BCAT1: variants seen among roughly 807,000 people sequenced by gnomAD.
BCAT1 encodes branched-chain-amino-acid aminotransferase, cytosolic.
A neutral mutation model predicts 52.4 loss-of-function variants in BCAT1; 48 were observed. The observed-to-expected ratio is 0.92, with a 90% CI of 0.73 to 1.16. The LOEUF (loss-of-function observed/expected upper bound fraction) is 1.16. Ranked by LOEUF, BCAT1 falls within the 50% of genes most tolerant of loss-of-function variation. The pLI, the probability that BCAT1 is intolerant of heterozygous loss-of-function variation, is 0.00. For synonymous variants in BCAT1, 167 were observed against 161.3 expected, an observed-to-expected ratio of 1.04 and a Z score of -0.27; for missense variants, 451 against 457.1, an observed-to-expected ratio of 0.99 and a Z score of 0.12.
At chr12:24,830,778 A>G (rs1451669384) in intron 9 of BCAT1, 1 of 152,190 alleles carries the variant, frequency 6.6e-6, no homozygotes, top group Non-Finnish European at 1.5e-5. Context: ...ACCTTGATGC[A>G]TTCTTATCAA....
Position 24,819,850 on chromosome 12 carries a change from G to GT in BCAT1, c.1120-1802dup, listed in dbSNP as rs530090927. ...CACCAGAAAGCATTGCCTACAGACT[G>GT]TAACTGCCCGCTATTGACTCTGTTG... On this transcript the variant is annotated intron_variant, in intron 10 of 10. Coordinates refer to ENST00000261192, the MANE Select transcript of BCAT1 (RefSeq NM_005504.7). 6.7e-4 allele frequency among the ~76,000 whole-genome samples: 102 copies of GT among 152,314 alleles called. No individual in the cohort carries two copies. In the East Asian group the frequency reaches 0.014, roughly 21 times the overall value.
chr12:24,923,259 G>A (rs550313041), intron 1 of BCAT1, among the ~76,000 whole-genome samples: 1 of 152,300 alleles, frequency 6.6e-6, no homozygotes, highest in South Asian at 2.1e-4. Context: ...CACCAGACAA[G>A]GGCCAACTTT....
intron 5 of BCAT1, among the ~76,000 whole-genome samples, chr12:24,865,688 T>C (rs971264337): frequency 2.0e-5 from 3 of 152,228 alleles, no homozygotes; most frequent in South Asian, 2.1e-4. Flanking sequence ...TAAAATCTGG[T>C]TAAATACATC....
chr12:24,824,981 C>G (rs1940323679), intron 10 of BCAT1, among the ~76,000 whole-genome samples: 1 of 152,076 alleles, frequency 6.6e-6, no homozygotes, highest in Non-Finnish European at 1.5e-5. Flanking sequence ...TTTTTAGCAC[C>G]TGCATGAGAA....
At chr12:24,920,463 T>TACCCAAA (rs1943485166) in intron 1 of BCAT1, among the ~76,000 whole-genome samples, 1 of 152,196 alleles carries the variant, frequency 6.6e-6, no homozygotes, top group African/African-American at 2.4e-5. Context: ...TTTTTTATTT[T>TACCCAAA]TGGGGTAGCA....
chr12:24,918,460 A>G (rs1591875256), intron 1 of BCAT1, among the ~76,000 whole-genome samples: 1 of 152,282 alleles, frequency 6.6e-6, no homozygotes, highest in Non-Finnish European at 1.5e-5. Context: ...TATAACTCAA[A>G]GAAAGTGTAA....
chr12:24,867,693 C>T (rs1303588523), intron 5 of BCAT1, among the ~76,000 whole-genome samples: 3 of 152,088 alleles, frequency 2.0e-5, no homozygotes, highest in African/African-American at 7.2e-5. Context: ...TCTAATGAAA[C>T]CCACAATAGG....
chr12:24,906,570 G>T (rs1393674097), intron 1 of BCAT1, among the ~76,000 whole-genome samples: 10 of 152,178 alleles, frequency 6.6e-5, no homozygotes, highest in Admixed American at 6.5e-4. Context: ...GGATAGATGA[G>T]CATTAATATA....
chr12:24,928,105 A>G (rs1223905615), intron 1 of BCAT1, among the ~76,000 whole-genome samples: 1 of 152,344 alleles, frequency 6.6e-6, no homozygotes, highest in East Asian at 1.9e-4. Flanking sequence ...AAATTCTTAA[A>G]ACTCTCTAAA....
At position 24,811,520 on chromosome 12, in the gene BCAT1, T is replaced by C. The variant is rs767814353; in HGVS notation, c.*6488A>G. The C allele has an allele frequency of 6.6e-6, 1 of 152,218 alleles. No homozygotes were observed. Among genetic ancestry groups the C allele is most frequent in the Non-Finnish European group, 1.5e-5 (1 of 68,024 alleles). 9.4% of individuals were successfully genotyped at this position (152,218 alleles called of 1,614,324 possible). ...TAGAGTTCTTCACACCAGATGGCTC[T>C]GGTGTAACAAAGCCATTTTAGATGT... On this transcript the variant is annotated 3_prime_UTR_variant, in exon 11 of 11. Transcript: ENST00000261192.
At chr12:24,932,837 A>G (rs1943695330) in intron 1 of BCAT1, among the ~76,000 whole-genome samples, 1 of 142,530 alleles carries the variant, frequency 7.0e-6, no homozygotes, top group African/African-American at 2.7e-5. Flanking sequence ...TTTGAGATGG[A>G]GTCTCGCTCC....
At chr12:24,873,277 G>A (rs1351702057) in intron 5 of BCAT1, among the ~76,000 whole-genome samples, 1 of 152,166 alleles carries the variant, frequency 6.6e-6, no homozygotes, top group African/African-American at 2.4e-5. Flanking sequence ...TATGTAATCA[G>A]CAGTAGTTTA....
In BCAT1 at chr12:24,924,640, T is replaced by C. The variant is rs561570127; in HGVS notation, c.7-22755A>G. Among the ~76,000 whole-genome samples the C allele has an allele frequency of 1.1e-4, 17 of 152,234 alleles. 1 individual carries two copies. The South Asian group carries it at 3.1e-3, about 28-fold the overall frequency. ...TGAAATAGCCAATGAGCCTGAATTA[T>C]TCAAAACAATGTCATTAAAAAAAAT... On this transcript the variant is annotated intron_variant, in intron 1 of 10. Coordinates refer to ENST00000261192, the MANE Select transcript of BCAT1 (RefSeq NM_005504.7).
At chr12:24,936,870 A>G (rs1943765341) in intron 1 of BCAT1, among the ~76,000 whole-genome samples, 2 of 152,226 alleles carry the variant, frequency 1.3e-5, no homozygotes, top group South Asian at 2.1e-4. Flanking sequence ...TAGATAATCA[A>G]GGATAATCTC....
intron 10 of BCAT1, among the ~76,000 whole-genome samples, chr12:24,825,716 A>G (rs183077318): frequency 6.6e-6 from 1 of 151,952 alleles, no homozygotes; most frequent in Non-Finnish European, 1.5e-5. Flanking sequence ...GATTTTTCCT[A>G]TACAGTTGTT....
In BCAT1 at chr12:24,884,709, G is replaced by C. The variant is rs577259521; in HGVS notation, c.280-3298C>G. Among the ~76,000 whole-genome samples the C allele has an allele frequency of 5.3e-5, 8 of 152,144 alleles. No individual in the cohort carries two copies. The South Asian group carries it at 1.7e-3, about 31-fold the overall frequency. On this transcript the variant is annotated intron_variant, in intron 3 of 10. Transcript: ENST00000261192. The stretch of plus-strand genomic sequence containing the variant: ...TATGATAATCTCATTCAGTATTATA[G>C]ATATAAGATATACAAAAGGCTAATA...
intron 2 of BCAT1, among the ~76,000 whole-genome samples, chr12:24,901,432 A>C (rs1943099351): frequency 6.6e-6 from 1 of 152,264 alleles, no homozygotes; most frequent in Admixed American, 6.5e-5. Flanking sequence ...AGAAAATGCA[A>C]CACTTTCACT....
At chr12:24,926,477 G>A (rs11608755) in intron 1 of BCAT1, among the ~76,000 whole-genome samples, 23,328 of 152,290 alleles carry the variant, frequency 0.15, 2,409 homozygotes, top group Non-Finnish European at 0.23. Context: ...AGCTCATTGA[G>A]AACGGGCCAT....
intron 1 of BCAT1, chr12:24,902,920 T>A (rs1437972090): frequency 6.6e-7 from 1 of 1,511,216 alleles, no homozygotes; most frequent in Admixed American, 2.0e-5. Flanking sequence ...TCCTCCCCCC[T>A]TCCGCAAACG....
Sources: allele counts gnomAD v4.1 joint callset (sites outside exome capture counted in the v4.1 genomes callset), GRCh38; gene constraint gnomAD v4.1.1; transcripts MANE v1.5; gene names NCBI Gene and HGNC (gene_info 2026-07-23, HGNC 2026-07-21).